Variants in DPP6 observed in about 807,000 individuals in gnomAD.
DPP6 encodes dipeptidyl peptidase like 6, also known as A-type potassium channel modulatory protein DPP6.
In DPP6, 69 loss-of-function variants were observed where a neutral mutation model predicts 122.6. That is an observed-to-expected ratio of 0.56 (90% CI 0.46 to 0.69). The LOEUF (loss-of-function observed/expected upper bound fraction) is 0.69, where lower values mean the gene tolerates loss of function less well. DPP6 is among the 30% of genes least tolerant of loss of function. The pLI is 0.00. For synonymous variants in DPP6, 418 were observed against 433.1 expected (o/e 0.97, Z 0.43); for missense variants, 928 against 1,116.9 (o/e 0.83, Z 2.41).
chr7:153,803,648 C>T, the DPP6 span, among the ~76,000 whole-genome samples: 2 of 151,310 alleles, frequency 1.3e-5, no homozygotes, highest in African/African-American at 4.9e-5. Flanking sequence ...GATTATTCCT[C>T]ATAATAAATC....
chr7:154,692,174 A>G (rs964410363), intron 7 of DPP6, among the ~76,000 whole-genome samples: 2 of 152,200 alleles, frequency 1.3e-5, no homozygotes, highest in Non-Finnish European at 2.9e-5. Context: ...ATTATCTTGA[A>G]TCTGGGCCAA....
intron 1 of DPP6, among the ~76,000 whole-genome samples, chr7:154,316,110 C>A (rs1198216573): frequency 6.6e-6 from 1 of 152,168 alleles, no homozygotes; most frequent in East Asian, 1.9e-4. Context: ...AACCATTGAA[C>A]AAAGTAATCA....
chr7:154,730,387 T>C (rs1249614980), intron 8 of DPP6, among the ~76,000 whole-genome samples: 1 of 152,162 alleles, frequency 6.6e-6, no homozygotes, highest in African/African-American at 2.4e-5. Context: ...AACATGCTCA[T>C]GTGTACATGG....
At chr7:153,773,293 C>A in the DPP6 span, among the ~76,000 whole-genome samples, 1 of 67,752 alleles carries the variant, frequency 1.5e-5, no homozygotes, top group Non-Finnish European at 3.4e-5. Context: ...GTGTGTGTGT[C>A]TGTGTGTGTA....
chr7:154,554,500 C>A (rs551143775), intron 4 of DPP6, among the ~76,000 whole-genome samples: 24 of 152,126 alleles, frequency 1.6e-4, no homozygotes, highest in African/African-American at 4.3e-4. Context: ...CCCTAACAAC[C>A]ACCTTTTCTT....
chr7:154,260,380 G>T (rs1291148878), intron 1 of DPP6, among the ~76,000 whole-genome samples: 2 of 152,010 alleles, frequency 1.3e-5, no homozygotes, highest in African/African-American at 4.8e-5. Context: ...GTGGGATTTT[G>T]GTGCACCTAT....
At chr7:153,865,443 T>C in the DPP6 span, among the ~76,000 whole-genome samples, 1 of 152,150 alleles carries the variant, frequency 6.6e-6, no homozygotes, top group Non-Finnish European at 1.5e-5. Context: ...GGGGCTCTAG[T>C]TTCTTTCCCC....
At chr7:154,711,111 A>T (rs1365362074) in intron 7 of DPP6, among the ~76,000 whole-genome samples, 1 of 152,260 alleles carries the variant, frequency 6.6e-6, no homozygotes, top group Non-Finnish European at 1.5e-5. Flanking sequence ...CCTTGACATT[A>T]GGAAAGCCGC....
the DPP6 span, among the ~76,000 whole-genome samples, chr7:153,801,414 C>G: frequency 5.2e-4 from 79 of 152,288 alleles, no homozygotes; most frequent in Admixed American, 5.2e-3. Context: ...CAAACCTCAT[C>G]AGTCCTCGAC....
chr7:153,771,600 A>G, the DPP6 span, among the ~76,000 whole-genome samples: 2 of 152,144 alleles, frequency 1.3e-5, no homozygotes, highest in African/African-American at 4.8e-5. Flanking sequence ...TCGGCCTCCC[A>G]AAGTGCTGGG....
intron 1 of DPP6, among the ~76,000 whole-genome samples, chr7:153,934,282 G>A (rs1042095163): frequency 2.6e-5 from 4 of 152,150 alleles, no homozygotes; most frequent in Non-Finnish European, 5.9e-5. Context: ...GCCTCCCTGT[G>A]GCCACATGTA....
rs6968728 is a variant in DPP6, at chr7:154,663,605, G to A, written c.681-5755G>A. ...CGCAGTCATGGTGAATCACCATGGC[G>A]TGTTGGCCCTAGTGTTCACGCAGTC... On this transcript the variant is annotated intron_variant, in intron 6 of 25. Coordinates refer to ENST00000377770, the MANE Select transcript of DPP6 (RefSeq NM_130797.4). Among the ~76,000 whole-genome samples the A allele has an allele frequency of 3.7e-4, 17 of 45,640 alleles. 1 individual carries two copies. The highest frequency in any genetic ancestry group is 7.5e-4 in the African/African-American group (17 of 22,776). The allele number at this position is 45,640 out of a possible 152,430, so 29.9% of individuals were successfully genotyped here. A position where few individuals can be genotyped will look rare whatever the true frequency, so the allele number is the denominator to read the frequency against.
chr7:154,409,875 A>G (rs1245273630), intron 1 of DPP6, among the ~76,000 whole-genome samples: 3 of 152,220 alleles, frequency 2.0e-5, no homozygotes, highest in Admixed American at 6.5e-5. Flanking sequence ...CCTGTTAAGC[A>G]TGGCCTTCAG....
chr7:154,670,695 T>C (rs1334361005), intron 7 of DPP6, among the ~76,000 whole-genome samples: 11 of 152,228 alleles, frequency 7.2e-5, no homozygotes, highest in Admixed American at 3.9e-4. Flanking sequence ...AGCTCCTTTT[T>C]CCTAAAATAG....
chr7:153,789,820 G>A, the DPP6 span, among the ~76,000 whole-genome samples: 67,198 of 151,846 alleles, frequency 0.44, 15,112 homozygotes, highest in South Asian at 0.54. Flanking sequence ...TATCATTAAG[G>A]ATGTTTACTT....
At chr7:153,941,398 G>A (rs983560818) in intron 1 of DPP6, among the ~76,000 whole-genome samples, 3 of 152,164 alleles carry the variant, frequency 2.0e-5, no homozygotes, top group African/African-American at 7.2e-5. Flanking sequence ...GGTGGTGCTG[G>A]GTGATGTCTG....
intron 1 of DPP6, among the ~76,000 whole-genome samples, chr7:154,384,290 C>G (rs1375321325): frequency 6.6e-6 from 1 of 152,150 alleles, no homozygotes; most frequent in Admixed American, 6.5e-5. Context: ...AGACCTGAAT[C>G]AGGAAAGGAC....
At chr7:153,873,846 T>C in the DPP6 span, among the ~76,000 whole-genome samples, 1 of 152,126 alleles carries the variant, frequency 6.6e-6, no homozygotes, top group Admixed American at 6.5e-5. Flanking sequence ...GGTAGAGAAA[T>C]ATAGGGGTGG....
At position 154,300,638 on chromosome 7, in the gene DPP6, C is replaced by T. The variant is rs1442531342; in HGVS notation, c.244-145576C>T. Among the ~76,000 whole-genome samples, 6 of 151,986 alleles carry T rather than the reference C, an allele frequency of 3.9e-5. No individual in the cohort carries two copies. The East Asian group carries it at 9.7e-4, about 25-fold the overall frequency. ...TGAAGAGACACAGGACGTGTGTATA[C>T]GTGTGTGGGGATTTGGGGCTGTGTG... is the stretch of plus-strand genomic sequence containing the variant. On this transcript the variant is annotated intron_variant, in intron 1 of 25. Transcript: ENST00000377770.
Sources: allele counts gnomAD v4.1 joint callset (sites outside exome capture counted in the v4.1 genomes callset), GRCh38; gene constraint gnomAD v4.1.1; transcripts MANE v1.5; gene names NCBI Gene and HGNC (gene_info 2026-07-23, HGNC 2026-07-21).